The following RNF187 variants were observed in gnomAD, a reference collection of about 807,000 sequenced individuals.
RNF187 encodes the protein ring finger protein 187, also known as E3 ubiquitin-protein ligase RNF187.
RNF187 carries 18 observed loss-of-function variants against 22.2 expected under a neutral mutation model. The ratio of observed to expected loss-of-function variants is 0.81; its 90% CI spans 0.56 to 1.20. The LOEUF (loss-of-function observed/expected upper bound fraction) is 1.20, where lower values mean the gene tolerates loss of function less well. RNF187 is among the 50% of genes most tolerant of loss of function. The probability of loss-of-function intolerance (pLI) is 0.00; values close to 1 mark genes in which losing one functional copy is unlikely to be tolerated. For missense variants in RNF187, 329 were observed against 317.6 expected (o/e 1.04, Z -0.27); for synonymous variants, 164 against 140.9 (o/e 1.16, Z -1.16).
chr1:228,490,297 T>A lies in RNF187; in HGVS notation c.483+1245T>A. ...AGGCCTCCCTCAGACAGTGACGGGT[T>A]ACACATGGGGTCCCTGATGCCACTC... is the stretch of plus-strand genomic sequence containing the variant. On this transcript the variant is annotated intron_variant, in intron 2 of 3. Coordinates refer to ENST00000305943, the MANE Select transcript of RNF187 (RefSeq NM_001010858.3). Among the ~76,000 whole-genome samples, 3 of 152,306 alleles carry A rather than the reference T, an allele frequency of 2.0e-5. No homozygotes were observed. In the South Asian group the frequency reaches 6.2e-4, roughly 32 times the overall value.
chr1:228,494,135 C>G lies in RNF187; in HGVS notation c.*250C>G. 104 of 1,426,144 alleles carry G rather than the reference C, an allele frequency of 7.3e-5. No individual in the cohort carries two copies. Among genetic ancestry groups the G allele is most frequent in the Non-Finnish European group, 8.4e-5 (92 of 1,091,680 alleles). The allele number at this position is 1,426,144 out of a possible 1,614,324, so 88.3% of individuals were successfully genotyped here. A position where few individuals can be genotyped will look rare whatever the true frequency, so the allele number is the denominator to read the frequency against. On this transcript the variant is annotated 3_prime_UTR_variant, in exon 4 of 4. Transcript: ENST00000305943. Reference sequence around the variant, plus strand: ...ACCTGTGCCCGTCCCTTCCTGAAGTCCTAGCCACAGCCCATCCTCCATGAG... The same window carrying G: ...ACCTGTGCCCGTCCCTTCCTGAAGTGCTAGCCACAGCCCATCCTCCATGAG...
At position 228,493,759 on chromosome 1, in the gene RNF187, C is replaced by T; in HGVS notation, c.706-124C>T. 1.9e-6 allele frequency: 2 copies of T among 1,067,528 alleles called. No homozygotes were observed. Among genetic ancestry groups the T allele is most frequent in the Non-Finnish European group, 2.8e-6 (2 of 710,362 alleles). The allele number at this position is 1,067,528 out of a possible 1,614,324, so 66.1% of individuals were successfully genotyped here. A position where few individuals can be genotyped will look rare whatever the true frequency, so the allele number is the denominator to read the frequency against. ...GGCCCTGGGTTTGTTGTGCTCAGGACAGTACCTCATGCGCTGTCTCATGTG... is the reference window on the plus strand; with the variant it reads ...GGCCCTGGGTTTGTTGTGCTCAGGATAGTACCTCATGCGCTGTCTCATGTG... On this transcript the variant is annotated intron_variant, in intron 3 of 3. Coordinates refer to ENST00000305943, the MANE Select transcript of RNF187 (RefSeq NM_001010858.3). This position sits in a 1 kb window ranked among gnomAD's most constrained non-coding sequence, Gnocchi z 4.7.
intron 2 of RNF187, among the ~76,000 whole-genome samples, chr1:228,491,628 T>C: frequency 6.6e-6 from 1 of 151,868 alleles, no homozygotes; most frequent in Non-Finnish European, 1.5e-5. Context: ...TTAGTGGAGA[T>C]GGGGTTTCAC....
At position 228,494,849 on chromosome 1, in the gene RNF187, G is replaced by T; in HGVS notation, c.*964G>T. The T allele has an allele frequency of 1.0e-6, 1 of 985,450 alleles. No individual in the cohort carries two copies. The highest frequency in any genetic ancestry group is 1.7e-5 in the African/African-American group (1 of 57,360). The allele number at this position is 985,450 out of a possible 1,614,324, so 61.0% of individuals were successfully genotyped here. Reference sequence around the variant, plus strand: ...GGGGATAGCCGGGCTTGTGAGCGGTGCCCATTTCCAGATGAAGCCTTTCAG... The same window carrying T: ...GGGGATAGCCGGGCTTGTGAGCGGTTCCCATTTCCAGATGAAGCCTTTCAG... On this transcript the variant is annotated 3_prime_UTR_variant, in exon 4 of 4. Transcript: ENST00000305943.
intron 2 of RNF187, among the ~76,000 whole-genome samples, chr1:228,492,362 GTT>G: frequency 7.0e-6 from 1 of 143,604 alleles, no homozygotes; most frequent in Non-Finnish European, 1.5e-5. Flanking sequence ...TTCTGTTATT[GTT>G]TTTTTTTTTG....
Position 228,493,852 on chromosome 1 carries a change from T to C in RNF187, c.706-31T>C. The stretch of plus-strand genomic sequence containing the variant: ...CTGTGTGTCTCTTTCTCTTTTTGTC[T>C]CTCTGTCTTTCCCTCTCCCCTCCCA... On this transcript the variant is annotated intron_variant, in intron 3 of 3. Coordinates refer to ENST00000305943, the MANE Select transcript of RNF187 (RefSeq NM_001010858.3). This position sits in a 1 kb window ranked among gnomAD's most constrained non-coding sequence, Gnocchi z 4.7. 1.3e-6 allele frequency: 2 copies of C among 1,550,928 alleles called. No homozygotes were observed. Among genetic ancestry groups the C allele is most frequent in the Non-Finnish European group, 1.7e-6 (2 of 1,146,206 alleles).
intron 2 of RNF187, among the ~76,000 whole-genome samples, chr1:228,489,417 C>T: frequency 1.3e-5 from 2 of 152,078 alleles, no homozygotes; most frequent in African/African-American, 4.8e-5. Flanking sequence ...GGCGATCCTC[C>T]CACCTCAGCC....
At position 228,494,236 on chromosome 1, in the gene RNF187, T is replaced by C; in HGVS notation, c.*351T>C. ...CCTCGTCATCCAGGGACCCAGACCC[T>C]GCACCTTCCATGTGGGCCCACAGAT... is the stretch of plus-strand genomic sequence containing the variant. On this transcript the variant is annotated 3_prime_UTR_variant, in exon 4 of 4. Transcript: ENST00000305943. The C allele has an allele frequency of 2.8e-5, 35 of 1,266,908 alleles. No individual in the cohort carries two copies. In the African/African-American group the frequency reaches 4.8e-4, roughly 17 times the overall value. The allele number at this position is 1,266,908 out of a possible 1,614,324, so 78.5% of individuals were successfully genotyped here.
chr1:228,492,618 CTTTTTTTTTTTT>C, intron 2 of RNF187, among the ~76,000 whole-genome samples: 1 of 62,080 alleles, frequency 1.6e-5, no homozygotes, highest in East Asian at 6.0e-4. Flanking sequence ...CCGTGCCTGG[CTTTTTTTTTTTT>C]TTTTTTTTTT....
intron 2 of RNF187, among the ~76,000 whole-genome samples, chr1:228,489,638 CATT>C: frequency 5.3e-5 from 8 of 152,086 alleles, no homozygotes; most frequent in Non-Finnish European, 1.2e-4. Flanking sequence ...GAGAGTTGCT[CATT>C]ATTTTTTAGA....
At chr1:228,490,013 T>C in intron 2 of RNF187, among the ~76,000 whole-genome samples, 1 of 152,364 alleles carries the variant, frequency 6.6e-6, no homozygotes, top group Admixed American at 6.5e-5. Flanking sequence ...AGTAAAGCTC[T>C]TTAGTCGTTT....
Position 228,489,058 on chromosome 1 carries a change from T to TG in RNF187, c.483+12dup. 2 of 1,543,234 alleles carry TG rather than the reference T, an allele frequency of 1.3e-6. No individual in the cohort carries two copies. Among genetic ancestry groups the TG allele is most frequent in the Non-Finnish European group, 8.7e-7 (1 of 1,145,562 alleles). The stretch of plus-strand genomic sequence containing the variant: ...CAGCAGCTGCAGTGTGGAAGGCAAG[T>TG]GGGGGGACCTGGGGCAGCCTGGAAT... On this transcript the variant is annotated splice_region_variant and intron_variant, in intron 2 of 3. Coordinates refer to ENST00000305943, the MANE Select transcript of RNF187 (RefSeq NM_001010858.3).
intron 2 of RNF187, among the ~76,000 whole-genome samples, 188 bp from the exon 3 acceptor site, chr1:228,492,865 C>T: frequency 2.6e-5 from 4 of 151,386 alleles, no homozygotes; most frequent in Non-Finnish European, 5.9e-5. Context: ...CCTCATGATC[C>T]GCCCGCCTTG....
chr1:228,494,471 C>T lies in RNF187; in HGVS notation c.*586C>T. On this transcript the variant is annotated 3_prime_UTR_variant, in exon 4 of 4. Coordinates refer to ENST00000305943, the MANE Select transcript of RNF187 (RefSeq NM_001010858.3). ...CCCAGCCTTATCCAAGTCGCTCTGT[C>T]CACCTCCCCCTTCCTGGCCCCCACC... 1.0e-6 allele frequency: 1 copy of T among 987,824 alleles called. No individual in the cohort carries two copies. Among genetic ancestry groups the T allele is most frequent in the Non-Finnish European group, 1.2e-6 (1 of 831,378 alleles). The allele number at this position is 987,824 out of a possible 1,614,324, so 61.2% of individuals were successfully genotyped here.
Position 228,494,096 on chromosome 1 carries a change from T to C in RNF187, c.*211T>C. The C allele has an allele frequency of 2.7e-6, 4 of 1,466,766 alleles. No individual in the cohort carries two copies. The African/African-American group carries it at 5.6e-5, about 21-fold the overall frequency. 90.9% of individuals were successfully genotyped at this position (1,466,766 alleles called of 1,614,324 possible). A position where few individuals can be genotyped will look rare whatever the true frequency, so the allele number is the denominator to read the frequency against. On this transcript the variant is annotated 3_prime_UTR_variant, in exon 4 of 4. Transcript: ENST00000305943. ...AACACCTCCCGGTAGAGGCTGGACC[T>C]GAGGACCCTTCCCACCTGTGCCCGT...
Position 228,493,011 on chromosome 1 carries a change from G to A in RNF187, c.484-42G>A. ...AACAGGTTCCCCTTCCCCTGGGGAGGGTGGGTGAGGACACAGGTCTTTTCC... is the reference window on the plus strand; with the variant it reads ...AACAGGTTCCCCTTCCCCTGGGGAGAGTGGGTGAGGACACAGGTCTTTTCC... On this transcript the variant is annotated intron_variant, in intron 2 of 3. Coordinates refer to ENST00000305943, the MANE Select transcript of RNF187 (RefSeq NM_001010858.3). The surrounding 1 kb of genome is among the most constrained non-coding windows in gnomAD (Gnocchi z 4.7). 158 of 1,500,668 alleles carry A rather than the reference G, an allele frequency of 1.1e-4. 1 individual carries two copies. The highest frequency in any genetic ancestry group is 1.3e-4 in the Non-Finnish European group (147 of 1,118,348). The allele number at this position is 1,500,668 out of a possible 1,614,324, so 93.0% of individuals were successfully genotyped here.
intron 2 of RNF187, among the ~76,000 whole-genome samples, chr1:228,492,138 A>G: frequency 6.6e-6 from 1 of 151,134 alleles, no homozygotes; most frequent in East Asian, 2.0e-4. Context: ...GCAGCCTCAA[A>G]CTCCTGGGCT....
At chr1:228,487,923 C>A in intron 1 of RNF187, 45 bp downstream of exon 1, 1 of 1,108,974 alleles carries the variant, frequency 9.0e-7, no homozygotes. Context: ...CGGTGCCCTG[C>A]GCCTCTCCGC....
intron 2 of RNF187, among the ~76,000 whole-genome samples, chr1:228,490,749 C>T: frequency 3.3e-5 from 5 of 152,222 alleles, no homozygotes; most frequent in Admixed American, 3.3e-4. Context: ...GCTCTGCTCT[C>T]CTGTTTGCAA....
Sources: allele counts gnomAD v4.1 joint callset (sites outside exome capture counted in the v4.1 genomes callset), GRCh38; gene constraint gnomAD v4.1.1; non-coding constraint Gnocchi (gnomAD v3.1); transcripts MANE v1.5; gene names NCBI Gene and HGNC (gene_info 2026-07-23, HGNC 2026-07-21).